The following SYT1 variants were observed in gnomAD, a reference collection of about 807,000 sequenced individuals.
SYT1 encodes synaptotagmin 1, also known as synaptotagmin-1.
SYT1 carries 8 observed loss-of-function variants against 44.8 expected under a neutral mutation model. That is an observed-to-expected ratio of 0.18 (90% CI 0.10 to 0.32). The LOEUF (loss-of-function observed/expected upper bound fraction) is 0.32. Ranked by LOEUF, SYT1 falls within the 10% of genes least tolerant of loss-of-function variation. SYT1 has a pLI of 1.00. For missense variants in SYT1, 286 were observed against 509.3 expected, an observed-to-expected ratio of 0.56 and a Z score of 4.22; for synonymous variants, 154 against 188.8, an observed-to-expected ratio of 0.82 and a Z score of 1.51.
intron 4 of SYT1, among the ~76,000 whole-genome samples, chr12:79,243,647 C>T (rs1261939764): frequency 2.0e-5 from 3 of 152,120 alleles, no homozygotes; most frequent in Non-Finnish European, 4.4e-5. Context: ...AGAGTTGTCA[C>T]TTTAAAGATA....
At chr12:79,025,784 G>A (rs567159026) in intron 2 of SYT1, among the ~76,000 whole-genome samples, 4 of 151,660 alleles carry the variant, frequency 2.6e-5, no homozygotes, top group African/African-American at 9.6e-5. Context: ...AAGTTATAAA[G>A]CCTGTTTGAC....
intron 2 of SYT1, among the ~76,000 whole-genome samples, chr12:79,002,616 T>C (rs1000887709): frequency 6.6e-6 from 1 of 152,068 alleles, no homozygotes; most frequent in Non-Finnish European, 1.5e-5. Context: ...TTTATTTAAA[T>C]TCCCTGAACT....
In SYT1 at chr12:79,208,579, G is replaced by A. The variant is rs377424801; in HGVS notation, c.-17-8924G>A. ...CAGACAGGAGAGAGGGATACGAGAA[G>A]GAAAGCCAATAGGGCTTAGGAAGCT... On this transcript the variant is annotated intron_variant, in intron 3 of 10. Transcript: ENST00000261205. Among the ~76,000 whole-genome samples, 28 of 152,332 alleles carry A rather than the reference G, an allele frequency of 1.8e-4. No individual in the cohort carries two copies. In the East Asian group the frequency reaches 3.3e-3, roughly 18 times the overall value.
chr12:79,403,806 C>T (rs889115455), intron 9 of SYT1, among the ~76,000 whole-genome samples: 2 of 152,114 alleles, frequency 1.3e-5, no homozygotes, highest in African/African-American at 2.4e-5. Context: ...GCCCCTACCC[C>T]AAATCTGCTG....
chr12:79,245,283 C>A (rs1230748391), intron 4 of SYT1, among the ~76,000 whole-genome samples: 1 of 133,530 alleles, frequency 7.5e-6, no homozygotes. Flanking sequence ...GGCTAACACA[C>A]GGTGAAACCC....
intron 8 of SYT1, among the ~76,000 whole-genome samples, chr12:79,307,320 G>C (rs1409692202): frequency 6.6e-6 from 1 of 152,112 alleles, no homozygotes; most frequent in Non-Finnish European, 1.5e-5. Flanking sequence ...CTTTAAACAT[G>C]ATTAAATTCT....
At chr12:79,159,894 A>T (rs762465277) in intron 3 of SYT1, among the ~76,000 whole-genome samples, 4 of 152,184 alleles carry the variant, frequency 2.6e-5, no homozygotes, top group Non-Finnish European at 4.4e-5. Context: ...AGAATCTATG[A>T]AATATTGTAT....
chr12:79,020,544 G>A (rs1356639772), intron 2 of SYT1, among the ~76,000 whole-genome samples: 1 of 151,970 alleles, frequency 6.6e-6, no homozygotes, highest in Non-Finnish European at 1.5e-5. Flanking sequence ...AAAAAAGTAT[G>A]TGCTGAAACT....
intron 3 of SYT1, among the ~76,000 whole-genome samples, chr12:79,124,986 AT>A (rs879876298): frequency 8.9e-4 from 133 of 149,760 alleles, no homozygotes; most frequent in African/African-American, 3.0e-3. Context: ...GGAATGTCAA[AT>A]TTTTTTTTTC....
In SYT1 at chr12:79,389,100, A is replaced by T. The variant is rs111612465; in HGVS notation, c.928+35481A>T. ...CATAGGTACTCTCTCTCTACTTACA[A>T]CAGAATTATATGTAATCAGTTGTTC... is the stretch of plus-strand genomic sequence containing the variant. On this transcript the variant is annotated intron_variant, in intron 9 of 10. Coordinates refer to ENST00000261205, the MANE Select transcript of SYT1 (RefSeq NM_005639.3). 2.9e-3 allele frequency among the ~76,000 whole-genome samples: 449 copies of T among 152,348 alleles called. 2 individuals carry two copies. Among genetic ancestry groups the T allele is most frequent in the African/African-American group, 0.01 (433 of 41,582 alleles).
chr12:79,050,956 A>G (rs1022110263), intron 3 of SYT1, among the ~76,000 whole-genome samples: 10 of 151,984 alleles, frequency 6.6e-5, no homozygotes, highest in Non-Finnish European at 1.2e-4. Context: ...TTTTCATTTT[A>G]TAGAGGTTAC....
rs1292893799 is a variant in SYT1 at position 79,403,286 on chromosome 12, G to A, written c.929-40787G>A. Reference sequence around the variant, plus strand: ...GGAAGAGGCAGTTGGGAGAGAGGGAGAAAGAGAGAGAGGCTTTATCTTAAG... The same window carrying A: ...GGAAGAGGCAGTTGGGAGAGAGGGAAAAAGAGAGAGAGGCTTTATCTTAAG... On this transcript the variant is annotated intron_variant, in intron 9 of 10. Coordinates refer to ENST00000261205, the MANE Select transcript of SYT1 (RefSeq NM_005639.3). 3.3e-5 allele frequency among the ~76,000 whole-genome samples: 5 copies of A among 152,114 alleles called. No homozygotes were observed. In the East Asian group the frequency reaches 9.6e-4, roughly 29 times the overall value.
chr12:79,279,095 C>T (rs1447039343), intron 4 of SYT1, among the ~76,000 whole-genome samples: 4 of 150,956 alleles, frequency 2.6e-5, no homozygotes, highest in Non-Finnish European at 5.9e-5. Context: ...ATAAAACTGA[C>T]ATCAATCCTA....
intron 3 of SYT1, among the ~76,000 whole-genome samples, chr12:79,100,175 T>C (rs1878365935): frequency 6.6e-6 from 1 of 152,140 alleles, no homozygotes; most frequent in Non-Finnish European, 1.5e-5. Context: ...GTTAATATTA[T>C]TTTGTTGAGT....
At chr12:79,306,346 A>G (rs73351055) in intron 8 of SYT1, among the ~76,000 whole-genome samples, 1,673 of 152,296 alleles carry the variant, frequency 0.011, 32 homozygotes, top group African/African-American at 0.038. Flanking sequence ...ATCTTTCTCA[A>G]TGTATAATAC....
At chr12:78,939,363 G>T (rs1273746615) in intron 1 of SYT1, among the ~76,000 whole-genome samples, 1 of 152,066 alleles carries the variant, frequency 6.6e-6, no homozygotes, top group Non-Finnish European at 1.5e-5. Context: ...TAAGTTTATT[G>T]TTTTCGCTAT....
intron 4 of SYT1, among the ~76,000 whole-genome samples, chr12:79,243,922 G>A (rs1876668024): frequency 6.6e-6 from 1 of 151,902 alleles, no homozygotes; most frequent in Non-Finnish European, 1.5e-5. Flanking sequence ...GGAAATACAG[G>A]ATGGGGGTGG....
intron 9 of SYT1, among the ~76,000 whole-genome samples, chr12:79,391,656 A>AAT (rs1884660629): frequency 6.6e-6 from 1 of 152,226 alleles, no homozygotes; most frequent in South Asian, 2.1e-4. Flanking sequence ...TATCTTTTGT[A>AAT]ATCATTGAAA....
intron 9 of SYT1, among the ~76,000 whole-genome samples, chr12:79,355,084 C>T (rs1209583902): frequency 6.6e-6 from 1 of 152,158 alleles, no homozygotes; most frequent in African/African-American, 2.4e-5. Context: ...AGAGATATTT[C>T]AACCACGAGT....
Sources: allele counts gnomAD v4.1 joint callset (sites outside exome capture counted in the v4.1 genomes callset), GRCh38; gene constraint gnomAD v4.1.1; transcripts MANE v1.5; gene names NCBI Gene and HGNC (gene_info 2026-07-23, HGNC 2026-07-21).